Variants in PLXDC2 observed in about 807,000 individuals in gnomAD.
PLXDC2 encodes the protein plexin domain containing 2, also known as plexin domain-containing protein 2.
Under a neutral mutation model 68.9 loss-of-function variants are expected in PLXDC2, and 40 were observed. That is an observed-to-expected ratio of 0.58 (90% CI 0.45 to 0.76). The LOEUF is 0.76. Ranked by LOEUF, PLXDC2 falls within the 30% of genes least tolerant of loss-of-function variation. PLXDC2 has a pLI of 0.00. For missense variants in PLXDC2, 644 were observed against 661.9 expected, an observed-to-expected ratio of 0.97 and a Z score of 0.30; for synonymous variants, 243 against 234.2, an observed-to-expected ratio of 1.04 and a Z score of -0.34.
At chr10:20,100,306 A>G (rs941028872) in intron 4 of PLXDC2, among the ~76,000 whole-genome samples, 3 of 152,190 alleles carry the variant, frequency 2.0e-5, no homozygotes, top group African/African-American at 7.2e-5. Context: ...AGGAGTTTGT[A>G]GTGAAGTGTT....
intron 12 of PLXDC2, among the ~76,000 whole-genome samples, chr10:20,242,827 A>G (rs186932779): frequency 6.6e-6 from 1 of 152,196 alleles, no homozygotes; most frequent in East Asian, 1.9e-4. Flanking sequence ...CTCCTGTCTC[A>G]GCCTCCTGAG....
intron 13 of PLXDC2, among the ~76,000 whole-genome samples, chr10:20,277,208 C>CAAAAA (rs60978653): frequency 2.9e-5 from 2 of 67,950 alleles, no homozygotes; most frequent in African/African-American, 5.8e-5. Flanking sequence ...GATTCCATCT[C>CAAAAA]AAAAAAAAAA....
At chr10:20,158,501 C>CAAAAAAA (rs59079629) in intron 6 of PLXDC2, among the ~76,000 whole-genome samples, 9 of 118,774 alleles carry the variant, frequency 7.6e-5, no homozygotes, top group African/African-American at 2.8e-4. Context: ...TCTGTCTCTG[C>CAAAAAAA]AAAAAAAAAA....
intron 13 of PLXDC2, among the ~76,000 whole-genome samples, chr10:20,257,315 G>T (rs544338332): frequency 6.6e-6 from 1 of 152,078 alleles, no homozygotes; most frequent in Non-Finnish European, 1.5e-5. Flanking sequence ...ATAAATCTAG[G>T]GTATTCTGAT....
intron 7 of PLXDC2, among the ~76,000 whole-genome samples, 173 bp from the exon 8 acceptor site, chr10:20,176,826 G>C (rs1275015971): frequency 6.6e-6 from 1 of 152,030 alleles, no homozygotes; most frequent in African/African-American, 2.4e-5. Context: ...AAGACTTCTG[G>C]TTACTTGACA....
At chr10:19,948,873 G>A (rs113223877) in intron 1 of PLXDC2, among the ~76,000 whole-genome samples, 3,449 of 151,904 alleles carry the variant, frequency 0.023, 135 homozygotes, top group African/African-American at 0.079. Flanking sequence ...GGCCGGGCGC[G>A]GTGGCTCACG....
At chr10:19,957,342 G>A (rs2131599924) in intron 1 of PLXDC2, among the ~76,000 whole-genome samples, 1 of 152,202 alleles carries the variant, frequency 6.6e-6, no homozygotes, top group East Asian at 1.9e-4. Flanking sequence ...GTGAAATACA[G>A]AAAGTTTAAT....
chr10:20,003,674 A>C (rs112515634), intron 2 of PLXDC2, among the ~76,000 whole-genome samples: 21 of 152,210 alleles, frequency 1.4e-4, no homozygotes, highest in Middle Eastern at 3.4e-3. Flanking sequence ...TCAAGTGATC[A>C]ACCTGCCTCG....
At chr10:20,158,201 C>G (rs1834241536) in intron 6 of PLXDC2, among the ~76,000 whole-genome samples, 1 of 152,010 alleles carries the variant, frequency 6.6e-6, no homozygotes, top group African/African-American at 2.4e-5. Context: ...AAATCGCTTC[C>G]TGTAATCAAA....
intron 13 of PLXDC2, among the ~76,000 whole-genome samples, chr10:20,261,249 TC>T (rs1835805548): frequency 6.6e-6 from 1 of 152,202 alleles, no homozygotes; most frequent in Non-Finnish European, 1.5e-5. Context: ...AGTGTGATAT[TC>T]AAAAAATTAT....
At chr10:20,107,077 G>GTA (rs767476987) in intron 4 of PLXDC2, among the ~76,000 whole-genome samples, 3 of 146,588 alleles carry the variant, frequency 2.0e-5, no homozygotes, top group African/African-American at 5.0e-5. Context: ...TATATATATA[G>GTA]TATATATATA....
At chr10:20,225,327 A>G (rs1414782762) in intron 12 of PLXDC2, among the ~76,000 whole-genome samples, 1 of 152,198 alleles carries the variant, frequency 6.6e-6, no homozygotes, top group Non-Finnish European at 1.5e-5. Flanking sequence ...TTTCATACAT[A>G]AATCATCAAA....
rs746689213 is a variant in PLXDC2 at position 20,054,442 on chromosome 10, G to C, written c.471+7427G>C. Among the ~76,000 whole-genome samples the C allele has an allele frequency of 2.0e-5, 3 of 152,008 alleles. No homozygotes were observed. The East Asian group carries it at 5.8e-4, about 29-fold the overall frequency. Reference sequence around the variant, plus strand: ...ATGGACAGATGGATGGATGGATGACGGATGGAAGAATGGGTAGAGATATAG... The same window carrying C: ...ATGGACAGATGGATGGATGGATGACCGATGGAAGAATGGGTAGAGATATAG... On this transcript the variant is annotated intron_variant, in intron 3 of 13. Coordinates refer to ENST00000377252, the MANE Select transcript of PLXDC2 (RefSeq NM_032812.9).
intron 4 of PLXDC2, among the ~76,000 whole-genome samples, chr10:20,100,740 C>A (rs1308943488): frequency 1.3e-5 from 2 of 152,108 alleles, no homozygotes; most frequent in African/African-American, 4.8e-5. Context: ...AAATTTGGTG[C>A]ACTGTACCTT....
intron 1 of PLXDC2, among the ~76,000 whole-genome samples, chr10:19,956,794 T>C (rs1028059315): frequency 1.3e-5 from 2 of 152,220 alleles, no homozygotes; most frequent in Non-Finnish European, 2.9e-5. Context: ...AAACTTTTGA[T>C]TGGCTTAGTC....
At chr10:20,246,412 C>A (rs1477275096) in intron 13 of PLXDC2, among the ~76,000 whole-genome samples, 3 of 152,164 alleles carry the variant, frequency 2.0e-5, no homozygotes, top group African/African-American at 7.2e-5. Flanking sequence ...TGCCGTGGTG[C>A]GATCTCGGCT....
At chr10:20,061,702 C>T (rs532494585) in intron 3 of PLXDC2, among the ~76,000 whole-genome samples, 6 of 152,100 alleles carry the variant, frequency 3.9e-5, no homozygotes, top group East Asian at 1.9e-4. Flanking sequence ...GCATAATGTC[C>T]GATCTATTAA....
At chr10:20,157,867 G>T (rs1834237317) in intron 6 of PLXDC2, among the ~76,000 whole-genome samples, 1 of 151,992 alleles carries the variant, frequency 6.6e-6, no homozygotes, top group Non-Finnish European at 1.5e-5. Context: ...TGCTTTTAGG[G>T]GTCAAAATGG....
chr10:19,937,084 C>G (rs775397163), intron 1 of PLXDC2, among the ~76,000 whole-genome samples: 1 of 152,112 alleles, frequency 6.6e-6, no homozygotes, highest in Non-Finnish European at 1.5e-5. Context: ...TAGACCCGAC[C>G]CTCAACATTT....
Sources: gnomAD v4.1 joint callset for allele counts (sites outside exome capture counted in the v4.1 genomes callset) on GRCh38, gnomAD v4.1.1 for gene constraint, MANE v1.5 for transcripts, NCBI Gene and HGNC (gene_info 2026-07-23, HGNC 2026-07-21) for gene names.